Variants in SYNJ1 observed in about 807,000 individuals in gnomAD.
The protein encoded by SYNJ1 is polyphosphatidylinositol phosphatase SYNJ1.
Under a neutral mutation model 168.2 loss-of-function variants are expected in SYNJ1, and 78 were observed. That is an observed-to-expected ratio of 0.46 (90% CI 0.39 to 0.56). The LOEUF (loss-of-function observed/expected upper bound fraction) is 0.56. SYNJ1 is among the 20% of genes least tolerant of loss of function. The probability of loss-of-function intolerance (pLI) is 0.00; values close to 1 mark genes in which losing one functional copy is unlikely to be tolerated. For missense variants in SYNJ1, 1,303 were observed against 1,597.6 expected, an observed-to-expected ratio of 0.82 and a Z score of 3.14; for synonymous variants, 539 against 548.6, an observed-to-expected ratio of 0.98 and a Z score of 0.24.
intron 2 of SYNJ1, among the ~76,000 whole-genome samples, chr21:32,717,256 G>T (rs949668054): frequency 1.3e-5 from 2 of 152,054 alleles, no homozygotes; most frequent in Non-Finnish European, 2.9e-5. Context: ...ACCGTGCCTG[G>T]CCTCTTTCAC....
chr21:32,666,987 T>C (rs906394464), intron 15 of SYNJ1, among the ~76,000 whole-genome samples: 2 of 152,136 alleles, frequency 1.3e-5, no homozygotes, highest in South Asian at 2.1e-4. Flanking sequence ...ATATAACCCA[T>C]GTAAATCTCT....
At chr21:32,679,740 TTAA>T (rs1194668635) in intron 11 of SYNJ1, among the ~76,000 whole-genome samples, 2 of 152,138 alleles carry the variant, frequency 1.3e-5, no homozygotes, top group Admixed American at 6.5e-5. Context: ...TAATAAGCAA[TTAA>T]TGTTTGGCAT....
chr21:32,650,305 G>C lies in SYNJ1; in HGVS notation c.2916C>G (p.Asp972Glu). 1 of 1,613,526 alleles carries C rather than the reference G, an allele frequency of 6.2e-7. No homozygotes were observed. Among genetic ancestry groups the C allele is most frequent in the Non-Finnish European group, 8.5e-7 (1 of 1,179,868 alleles). ...RTITIALKSP[D>E]WIKNLEEEMS... ...TTTCTTCTTCCAAATTTTTGATCCA[G>C]TCTGGACTTTTTAAAGCAATAGTTA... The change falls in exon 23 of 33, where the codon GAC (aspartate) becomes GAG (glutamate). Residue 972 changes from aspartate (D) to glutamate (E), a missense_variant. By Grantham distance (45) the Asp-to-Glu change is conservative (BLOSUM62 2). Around this residue, in one of 2 missense-constraint regions of SYNJ1, gnomAD observed 920 missense variants for 1,208.8 expected, o/e 0.76. Coordinates refer to ENST00000674351, the MANE Select transcript of SYNJ1 (RefSeq NM_203446.3).
rs200092189 is a variant in SYNJ1, at chr21:32,695,845, TG to T, written c.480-564del. ...GCCGGGCTAATTTTTTGTTTTGTTT[TG>T]TTTTTTTTTTTCTTTTTTGAGACGG... On this transcript the variant is annotated intron_variant, in intron 4 of 32. Coordinates refer to ENST00000674351, the MANE Select transcript of SYNJ1 (RefSeq NM_203446.3). Among the ~76,000 whole-genome samples the T allele has an allele frequency of 9.8e-4, 145 of 148,674 alleles. 4 individuals are homozygous for T. The highest frequency in any genetic ancestry group is 5.7e-3 in the South Asian group (27 of 4,706).
intron 23 of SYNJ1, 47 bp from the exon 24 acceptor site, chr21:32,646,649 T>C (rs1357653430): frequency 1.7e-5 from 25 of 1,489,482 alleles, no homozygotes; most frequent in Non-Finnish European, 2.2e-5. Context: ...TTTAACTTGC[T>C]CAGAGATTTT....
intron 22 of SYNJ1, among the ~76,000 whole-genome samples, chr21:32,652,515 A>C (rs1240515367): frequency 1.3e-5 from 2 of 152,166 alleles, no homozygotes; most frequent in Admixed American, 6.5e-5. Context: ...ACATACAAAG[A>C]ATTTTTTTTC....
In SYNJ1 at chr21:32,645,569, T is replaced by C. The variant is rs542250820; in HGVS notation, c.3391+77A>G. On this transcript the variant is annotated intron_variant, in intron 25 of 32. Transcript: ENST00000674351. ...AACTGTAAAATCCAGAAGCTAGAGA[T>C]TGGAAAACATGCAAAACATTTTAAA... The C allele has an allele frequency of 7.7e-4, 1,094 of 1,423,106 alleles. 1 individual carries two copies. Among genetic ancestry groups the C allele is most frequent in the Middle Eastern group, 1.0e-3 (4 of 3,864 alleles). The allele number at this position is 1,423,106 out of a possible 1,614,324, so 88.2% of individuals were successfully genotyped here.
At chr21:32,684,240 G>T in intron 9 of SYNJ1, 121 bp from the exon 10 acceptor site, 1 of 833,146 alleles carries the variant, frequency 1.2e-6, no homozygotes, top group Non-Finnish European at 1.9e-6. Flanking sequence ...TATTATTACA[G>T]TATTCAAATA....
At position 32,697,077 on chromosome 21, in the gene SYNJ1, T is replaced by C. The variant is rs2042239383; in HGVS notation, c.480-1795A>G. 3.3e-5 allele frequency among the ~76,000 whole-genome samples: 5 copies of C among 152,214 alleles called. No individual in the cohort carries two copies. The South Asian group carries it at 1.0e-3, about 32-fold the overall frequency. Reference sequence around the variant, plus strand: ...AAATAGACCTTAAATCCTATGCATTTTGTGCAGGCAGAGTTTCTCTCTCTG... The same window carrying C: ...AAATAGACCTTAAATCCTATGCATTCTGTGCAGGCAGAGTTTCTCTCTCTG... On this transcript the variant is annotated intron_variant, in intron 4 of 32. Transcript: ENST00000674351.
At chr21:32,666,226 C>A in intron 16 of SYNJ1, 91 bp from the exon 17 acceptor site, 1 of 1,473,312 alleles carries the variant, frequency 6.8e-7, no homozygotes, top group South Asian at 1.3e-5. Flanking sequence ...CATTTAAGTA[C>A]ACATGGTATG....
At position 32,631,535 on chromosome 21, in the gene SYNJ1, G is replaced by A. The variant is rs748033451; in HGVS notation, c.*270C>T. The stretch of plus-strand genomic sequence containing the variant: ...TCCTGGTCAAGCCAGTAATAAATGG[G>A]TTTGGAGAACTTCGCATATTTTCCT... On this transcript the variant is annotated 3_prime_UTR_variant, in exon 33 of 33. Coordinates refer to ENST00000674351, the MANE Select transcript of SYNJ1 (RefSeq NM_203446.3). The A allele has an allele frequency of 3.1e-6, 5 of 1,614,014 alleles. No homozygotes were observed. The Admixed American group carries it at 6.7e-5, about 22-fold the overall frequency.
intron 2 of SYNJ1, among the ~76,000 whole-genome samples, chr21:32,707,112 T>C (rs2042638403): frequency 6.6e-6 from 1 of 152,068 alleles, no homozygotes; most frequent in Non-Finnish European, 1.5e-5. Flanking sequence ...CAACCTTTAA[T>C]CATCTTTGTG....
At position 32,650,174 on chromosome 21, in the gene SYNJ1, A is replaced by G; in HGVS notation, c.3037+10T>C. ...GAACTACAAGAAGTAAATGTGTTTA[A>G]GAAACAAACCTTCCATATCAAAATC... On this transcript the variant is annotated intron_variant, in intron 23 of 32. Coordinates refer to ENST00000674351, the MANE Select transcript of SYNJ1 (RefSeq NM_203446.3). 6.3e-7 allele frequency: 1 copy of G among 1,592,676 alleles called. No individual in the cohort carries two copies. Among genetic ancestry groups the G allele is most frequent in the Non-Finnish European group, 8.5e-7 (1 of 1,173,462 alleles).
rs774229629 is a variant in SYNJ1, at chr21:32,657,130, GAA to G, written c.2462-12_2462-11del. 6.4e-7 allele frequency: 1 copy of G among 1,554,708 alleles called. No homozygotes were observed. On this transcript the variant is annotated splice_polypyrimidine_tract_variant and intron_variant, in intron 19 of 32. Transcript: ENST00000674351. ...AGATCTAGATCTTCAGCTGCAGTCA[GAA>G]GAAATGAAAACACAAGAGAAGCTGT...
intron 13 of SYNJ1, among the ~76,000 whole-genome samples, chr21:32,674,777 C>G (rs2041338429): frequency 6.6e-6 from 1 of 152,188 alleles, no homozygotes; most frequent in African/African-American, 2.4e-5. Flanking sequence ...GACATCAAAA[C>G]TACTTTCACC....
rs113135678 is a variant in SYNJ1 at position 32,649,168 on chromosome 21, C to T, written c.3037+1016G>A. On this transcript the variant is annotated intron_variant, in intron 23 of 32. Transcript: ENST00000674351. ...TATTATAATTGCCTGCTTACTTACA[C>T]GTAACACCCAATAAGCTATGAGTTC... Among the ~76,000 whole-genome samples the T allele has an allele frequency of 1.1e-4, 16 of 152,302 alleles. 1 individual carries two copies. The highest frequency in any genetic ancestry group is 3.1e-4 in the African/African-American group (13 of 41,560).
intron 15 of SYNJ1, 32 bp from the exon 16 acceptor site, chr21:32,666,605 A>T: frequency 1.3e-6 from 2 of 1,598,366 alleles, no homozygotes; most frequent in South Asian, 2.3e-5. Flanking sequence ...AGAATTTTTT[A>T]AAAAGGTATT....
chr21:32,712,383 C>G (rs1484092159), intron 2 of SYNJ1, among the ~76,000 whole-genome samples: 1 of 152,142 alleles, frequency 6.6e-6, no homozygotes, highest in Admixed American at 6.6e-5. Context: ...ACATAACTAG[C>G]TGGCAGTAAA....
Position 32,660,611 on chromosome 21 carries a change from T to A in SYNJ1, c.2305-2739A>T, listed in dbSNP as rs894704384. Among the ~76,000 whole-genome samples the A allele has an allele frequency of 7.9e-5, 12 of 152,346 alleles. No homozygotes were observed. The South Asian group carries it at 2.1e-3, about 26-fold the overall frequency. On this transcript the variant is annotated intron_variant, in intron 18 of 32. Coordinates refer to ENST00000674351, the MANE Select transcript of SYNJ1 (RefSeq NM_203446.3). Reference sequence around the variant, plus strand: ...GGAGAAAGATGTGCAGGATATGCGGTGGTAACTTTGAACGCTGTCATTGAA... The same window carrying A: ...GGAGAAAGATGTGCAGGATATGCGGAGGTAACTTTGAACGCTGTCATTGAA...
Sources: allele counts gnomAD v4.1 joint callset (sites outside exome capture counted in the v4.1 genomes callset), GRCh38; gene constraint gnomAD v4.1.1; regional missense constraint gnomAD v4.1.1; transcripts MANE v1.5; gene names NCBI Gene and HGNC (gene_info 2026-07-23, HGNC 2026-07-21).